RBM33: variants seen among roughly 807,000 people sequenced by gnomAD.
RBM33 encodes RNA binding motif protein 33.
In RBM33, 28 loss-of-function variants were observed where a neutral mutation model predicts 132.6. The ratio of observed to expected loss-of-function variants is 0.21; its 90% confidence interval spans 0.16 to 0.29. The LOEUF (loss-of-function observed/expected upper bound fraction) is 0.29. RBM33 is among the 10% of genes least tolerant of loss of function. The pLI is 1.00. For synonymous variants in RBM33, 634 were observed against 593.0 expected (o/e 1.07, Z -1.01); for missense variants, 1,291 against 1,518.5 (o/e 0.85, Z 2.49).
intron 14 of RBM33, among the ~76,000 whole-genome samples, chr7:155,753,905 A>T (rs1002177959): frequency 6.6e-6 from 1 of 152,238 alleles, no homozygotes; most frequent in African/African-American, 2.4e-5. Context: ...TAGGGCATAC[A>T]GAATCCTGAT....
At chr7:155,694,077 A>G (rs1019951932) in intron 5 of RBM33, among the ~76,000 whole-genome samples, 1 of 152,290 alleles carries the variant, frequency 6.6e-6, no homozygotes, top group African/African-American at 2.4e-5. Context: ...ACTGGCAGAA[A>G]GGGTGTTGCG....
intron 9 of RBM33, among the ~76,000 whole-genome samples, chr7:155,728,034 T>C (rs1382826688): frequency 6.6e-6 from 1 of 152,202 alleles, no homozygotes; most frequent in Non-Finnish European, 1.5e-5. Context: ...GGTCCCAAAG[T>C]GCTAAGATTA....
Position 155,718,428 on chromosome 7 carries a change from A to C in RBM33, c.1245A>C (p.Gly415=). 6.2e-7 allele frequency: 1 copy of C among 1,613,726 alleles called. No individual in the cohort carries two copies. The highest frequency in any genetic ancestry group is 8.5e-7 in the Non-Finnish European group (1 of 1,179,790). ...CGAGCCAGCCGAGACCTGCCGTGGG[A>C]CCCCAGAGATTCCCAGTGAGTAGCA... ...PVPSQPRPAV[G]PQRFPGPPEF... is the part of the protein sequence containing the mutation. Residue 415 remains glycine (G), a synonymous_variant, in exon 9 of 18, where the codon GGA becomes GGC. Transcript: ENST00000401878.
At chr7:155,772,074 A>G (rs1265887704) in intron 16 of RBM33, among the ~76,000 whole-genome samples, 1 of 152,258 alleles carries the variant, frequency 6.6e-6, no homozygotes. Flanking sequence ...AGATAAGTTT[A>G]GAGAAGGTCC....
intron 1 of RBM33, among the ~76,000 whole-genome samples, chr7:155,650,080 G>A (rs1284064250): frequency 1.3e-5 from 2 of 152,200 alleles, no homozygotes; most frequent in Admixed American, 1.3e-4. Flanking sequence ...AGGCTTTTCA[G>A]TTTGTATGTT....
chr7:155,724,990 T>TTGTGTG (rs56739117), intron 9 of RBM33, among the ~76,000 whole-genome samples: 2,014 of 123,300 alleles, frequency 0.016, 29 homozygotes, highest in Admixed American at 0.021. Flanking sequence ...GTGTACAGGT[T>TTGTGTG]TGTGTGTGTG....
chr7:155,718,769 ATGTG>A (rs1175691319), intron 9 of RBM33, among the ~76,000 whole-genome samples: 2 of 152,116 alleles, frequency 1.3e-5, no homozygotes, highest in African/African-American at 4.8e-5. Context: ...TGGGGGGTGT[ATGTG>A]TGCATGCACG....
At chr7:155,707,102 C>T in intron 7 of RBM33, 34 bp downstream of exon 7, 3 of 1,501,410 alleles carry the variant, frequency 2.0e-6, no homozygotes, top group Non-Finnish European at 2.7e-6. Context: ...AGCCCTAGAA[C>T]TTCAGAACAA....
At chr7:155,759,609 C>T (rs1482794582) in intron 14 of RBM33, among the ~76,000 whole-genome samples, 1 of 151,820 alleles carries the variant, frequency 6.6e-6, no homozygotes, top group Non-Finnish European at 1.5e-5. Context: ...TTAGTAGAGA[C>T]GGGGTTTCAC....
chr7:155,673,960 T>TTG (rs1563138428), intron 3 of RBM33, among the ~76,000 whole-genome samples: 1 of 125,538 alleles, frequency 8.0e-6, no homozygotes, highest in African/African-American at 3.0e-5. Flanking sequence ...TTTTTTTTTT[T>TTG]TTTTTTTTTT....
At chr7:155,692,551 G>T (rs1799676028) in intron 5 of RBM33, among the ~76,000 whole-genome samples, 1 of 152,154 alleles carries the variant, frequency 6.6e-6, no homozygotes, top group Non-Finnish European at 1.5e-5. Context: ...ATGTGTGCAG[G>T]GTCACCTGGC....
At chr7:155,687,439 T>A (rs899540681) in intron 5 of RBM33, among the ~76,000 whole-genome samples, 2 of 152,256 alleles carry the variant, frequency 1.3e-5, no homozygotes, top group Non-Finnish European at 2.9e-5. Context: ...CTGTTCACTC[T>A]GATGGTAGTT....
At chr7:155,739,534 A>G in intron 11 of RBM33, 181 bp from the exon 12 acceptor site, 1 of 648,352 alleles carries the variant, frequency 1.5e-6, no homozygotes, top group Non-Finnish European at 2.6e-6. Flanking sequence ...ATTTAAGGTA[A>G]TAGCTTCTGG....
intron 14 of RBM33, 137 bp from the exon 15 acceptor site, chr7:155,763,675 A>C: frequency 1.3e-6 from 1 of 765,276 alleles, no homozygotes; most frequent in Non-Finnish European, 2.3e-6. Context: ...TAGTGAAATG[A>C]CAAGTTTCGA....
At chr7:155,658,432 G>T (rs1325395743) in intron 1 of RBM33, among the ~76,000 whole-genome samples, 1 of 143,336 alleles carries the variant, frequency 7.0e-6, no homozygotes, top group Admixed American at 7.2e-5. Flanking sequence ...CTGTCGCCCA[G>T]GCTGGAGTGC....
intron 5 of RBM33, chr7:155,685,032 G>A (rs988557989): frequency 1.3e-6 from 2 of 1,550,104 alleles, no homozygotes; most frequent in Non-Finnish European, 1.7e-6. Flanking sequence ...TGATGCCCAG[G>A]TTGCTCCTGC....
At chr7:155,649,741 G>T (rs1478887407) in intron 1 of RBM33, among the ~76,000 whole-genome samples, 2 of 151,944 alleles carry the variant, frequency 1.3e-5, no homozygotes, top group East Asian at 3.9e-4. Context: ...TTGTATCATT[G>T]CCCAGCCAGT....
intron 8 of RBM33, among the ~76,000 whole-genome samples, chr7:155,715,896 C>G (rs1003755059): frequency 6.6e-6 from 1 of 152,144 alleles, no homozygotes; most frequent in African/African-American, 2.4e-5. Context: ...TTTAAAAAAG[C>G]TAGCAATATA....
chr7:155,673,631 C>CAT (rs1214283644), intron 3 of RBM33, among the ~76,000 whole-genome samples: 5 of 26,018 alleles, frequency 1.9e-4, no homozygotes, highest in Admixed American at 5.3e-4. Context: ...TATATACACA[C>CAT]ATATACATAC....
Sources: gnomAD v4.1 joint callset for allele counts (sites outside exome capture counted in the v4.1 genomes callset) on GRCh38, gnomAD v4.1.1 for gene constraint, MANE v1.5 for transcripts, NCBI Gene and HGNC (gene_info 2026-07-23, HGNC 2026-07-21) for gene names.